The following CMAS variants were observed in gnomAD, a reference collection of about 807,000 sequenced individuals.
CMAS encodes the protein N-acylneuraminate cytidylyltransferase.
A neutral mutation model predicts 53.4 loss-of-function variants in CMAS; 21 were observed. That is an observed-to-expected ratio of 0.39 (90% CI 0.28 to 0.57). The LOEUF (loss-of-function observed/expected upper bound fraction) is 0.57. CMAS is among the 20% of genes least tolerant of loss of function. The pLI is 0.56. For synonymous variants in CMAS, 189 were observed against 195.2 expected, an observed-to-expected ratio of 0.97 and a Z score of 0.27; for missense variants, 384 against 534.9, an observed-to-expected ratio of 0.72 and a Z score of 2.78.
At chr12:22,048,990 A>G (rs558018677) in intron 1 of CMAS, among the ~76,000 whole-genome samples, 3 of 152,292 alleles carry the variant, frequency 2.0e-5, no homozygotes, top group East Asian at 3.9e-4. Context: ...TGCAATTCAC[A>G]TTGGACTCTT....
At chr12:22,057,122 G>T (rs374302729) in intron 3 of CMAS, among the ~76,000 whole-genome samples, 1 of 152,096 alleles carries the variant, frequency 6.6e-6, no homozygotes, top group East Asian at 1.9e-4. Context: ...TTGAACAGGG[G>T]ATGATTTCGT....
intron 1 of CMAS, among the ~76,000 whole-genome samples, chr12:22,052,318 G>A (rs936489897): frequency 6.6e-6 from 1 of 152,098 alleles, no homozygotes; most frequent in African/African-American, 2.4e-5. Context: ...GTCCAGAATC[G>A]TGCCTGGGAC....
Position 22,046,241 on chromosome 12 carries a change from G to T in CMAS, c.-63G>T. 7.3e-7 allele frequency: 1 copy of T among 1,377,310 alleles called. No individual in the cohort carries two copies. Among genetic ancestry groups the T allele is most frequent in the Non-Finnish European group, 9.4e-7 (1 of 1,060,374 alleles). 85.3% of individuals were successfully genotyped at this position (1,377,310 alleles called of 1,614,324 possible). ...CCAGGCGGGGATCGGGCGGCGCCGA[G>T]CTGAGGTGGTGAGGGACTAGCTCCC... On this transcript the variant is annotated 5_prime_UTR_variant, in exon 1 of 8. Coordinates refer to ENST00000229329, the MANE Select transcript of CMAS (RefSeq NM_018686.6).
At chr12:22,053,661 C>T (rs997729657) in intron 1 of CMAS, among the ~76,000 whole-genome samples, 7 of 150,386 alleles carry the variant, frequency 4.7e-5, no homozygotes, top group Non-Finnish European at 7.4e-5. Context: ...GGGCGGATCA[C>T]GAGGTCAGGA....
Position 22,046,644 on chromosome 12 carries a change from C to T in CMAS, c.260+81C>T. On this transcript the variant is annotated intron_variant, in intron 1 of 7. Transcript: ENST00000229329. ...CGGGCTGCTGGAGGGGCTGGGGCCT[C>T]CGGGGCCACCGCTCTTGGAAGGGGG... The T allele has an allele frequency of 2.2e-6, 3 of 1,373,578 alleles. No homozygotes were observed. The South Asian group carries it at 4.7e-5, about 21-fold the overall frequency. 85.1% of individuals were successfully genotyped at this position (1,373,578 alleles called of 1,614,324 possible).
At chr12:22,062,252 C>A in intron 6 of CMAS, 29 bp from the exon 7 acceptor site, 1 of 1,526,040 alleles carries the variant, frequency 6.6e-7, no homozygotes, top group Non-Finnish European at 8.8e-7. Flanking sequence ...TCCCTTCTTC[C>A]TCCAATCCTT....
In CMAS at chr12:22,061,469, T is replaced by C; in HGVS notation, c.960+17T>C. The C allele has an allele frequency of 6.8e-7, 1 of 1,476,186 alleles. No homozygotes were observed. Among genetic ancestry groups the C allele is most frequent in the Non-Finnish European group, 9.2e-7 (1 of 1,089,984 alleles). 91.4% of individuals were successfully genotyped at this position (1,476,186 alleles called of 1,614,324 possible). The stretch of plus-strand genomic sequence containing the variant: ...GGTATTGAGGTATGTGCTCCCTGAA[T>C]ATAGCAGTATTTTATAATATTTTGA... On this transcript the variant is annotated intron_variant, in intron 6 of 7. Coordinates refer to ENST00000229329, the MANE Select transcript of CMAS (RefSeq NM_018686.6).
In CMAS at chr12:22,055,134, T is replaced by G; in HGVS notation, c.261-15T>G. 1 of 1,557,964 alleles carries G rather than the reference T, an allele frequency of 6.4e-7. No individual in the cohort carries two copies. The highest frequency in any genetic ancestry group is 8.7e-7 in the Non-Finnish European group (1 of 1,155,512). On this transcript the variant is annotated splice_polypyrimidine_tract_variant and intron_variant, in intron 1 of 7. Coordinates refer to ENST00000229329, the MANE Select transcript of CMAS (RefSeq NM_018686.6). ...CTTTTGATTTGGCTGTTAATTTCTT[T>G]TGATATCTGAACAGTGTATGGGTTT... is the stretch of plus-strand genomic sequence containing the variant.
intron 2 of CMAS, 56 bp downstream of exon 2, chr12:22,055,347 ATTATC>A (rs749009710): frequency 3.5e-5 from 52 of 1,487,206 alleles, no homozygotes; most frequent in Non-Finnish European, 4.2e-5. Context: ...TACTTCCTTT[ATTATC>A]TTATAAGACT....
chr12:22,053,806 G>A (rs1459208836), intron 1 of CMAS, among the ~76,000 whole-genome samples: 2 of 150,210 alleles, frequency 1.3e-5, no homozygotes, highest in African/African-American at 2.4e-5. Context: ...ATGAACCTGG[G>A]AGGCGGAGCT....
chr12:22,057,654 G>C (rs987182977), intron 3 of CMAS, among the ~76,000 whole-genome samples: 8 of 152,012 alleles, frequency 5.3e-5, no homozygotes, highest in South Asian at 2.1e-4. Context: ...GACAAATTCA[G>C]TTCTTTTAAA....
At position 22,060,333 on chromosome 12, in the gene CMAS, TAAAAAAAAAAA is replaced by T. The variant is rs58755366; in HGVS notation, c.694-482_694-472del. Among the ~76,000 whole-genome samples, 10 of 54,138 alleles carry T rather than the reference TAAAAAAAAAAA, an allele frequency of 1.8e-4. 1 individual carries two copies. The highest frequency in any genetic ancestry group is 1.4e-3 in the East Asian group (2 of 1,422). 35.5% of individuals were successfully genotyped at this position (54,138 alleles called of 152,430 possible). ...ATTTCTTTTGTGTGAGCTTTCTCCT[TAAAAAAAAAAA>T]AAAAAAAAAAAAAAAAGCTGGGCGT... On this transcript the variant is annotated intron_variant, in intron 4 of 7. Coordinates refer to ENST00000229329, the MANE Select transcript of CMAS (RefSeq NM_018686.6).
At chr12:22,052,525 A>G (rs1950243672) in intron 1 of CMAS, among the ~76,000 whole-genome samples, 1 of 152,178 alleles carries the variant, frequency 6.6e-6, no homozygotes, top group Non-Finnish European at 1.5e-5. Context: ...GGCTTCAGCA[A>G]TTTATTTCAA....
chr12:22,054,748 G>A (rs1950256963), intron 1 of CMAS, among the ~76,000 whole-genome samples: 1 of 151,804 alleles, frequency 6.6e-6, no homozygotes, highest in Non-Finnish European at 1.5e-5. Flanking sequence ...TTTATTTTAG[G>A]TTCAGGGGTA....
At chr12:22,049,719 AC>A (rs1453664993) in intron 1 of CMAS, among the ~76,000 whole-genome samples, 2 of 152,162 alleles carry the variant, frequency 1.3e-5, no homozygotes, top group African/African-American at 4.8e-5. Flanking sequence ...AGCCTGGCCA[AC>A]ATGGCGAAAC....
At chr12:22,063,162 AT>A in intron 7 of CMAS, among the ~76,000 whole-genome samples, 1 of 152,324 alleles carries the variant, frequency 6.6e-6, no homozygotes, top group Non-Finnish European at 1.5e-5. Flanking sequence ...TGATGTCAAC[AT>A]TTTAAAATTG....
At chr12:22,053,390 TACAC>T (rs748511195) in intron 1 of CMAS, among the ~76,000 whole-genome samples, 1 of 150,600 alleles carries the variant, frequency 6.6e-6, no homozygotes, top group African/African-American at 2.4e-5. Context: ...TGTATACATA[TACAC>T]ACACACATAT....
At chr12:22,047,356 A>G (rs370109962) in intron 1 of CMAS, among the ~76,000 whole-genome samples, 1 of 152,162 alleles carries the variant, frequency 6.6e-6, no homozygotes, top group Admixed American at 6.5e-5. Context: ...CCAAGAATGA[A>G]TTTACACATA....
chr12:22,057,261 AC>A (rs1950274633), intron 3 of CMAS, among the ~76,000 whole-genome samples: 3 of 151,686 alleles, frequency 2.0e-5, no homozygotes, highest in Non-Finnish European at 2.9e-5. Context: ...ACACACACAC[AC>A]ACACACACAC....
Sources: gnomAD v4.1 joint callset for allele counts (sites outside exome capture counted in the v4.1 genomes callset) on GRCh38, gnomAD v4.1.1 for gene constraint, MANE v1.5 for transcripts, NCBI Gene and HGNC (gene_info 2026-07-23, HGNC 2026-07-21) for gene names.